INPP4B: variants seen among roughly 807,000 people sequenced by gnomAD.
INPP4B encodes the protein inositol polyphosphate-4-phosphatase type II B.
In INPP4B, 55 loss-of-function variants were observed where a neutral mutation model predicts 122.5. That is an observed-to-expected ratio of 0.45 (90% CI 0.36 to 0.56). The LOEUF (loss-of-function observed/expected upper bound fraction) is 0.56. INPP4B is among the 20% of genes least tolerant of loss of function. The pLI, the probability that INPP4B is intolerant of heterozygous loss-of-function variation, is 0.00. For missense variants in INPP4B, 1,000 were observed against 1,097.7 expected (o/e 0.91, Z 1.26); for synonymous variants, 403 against 388.7 (o/e 1.04, Z -0.43).
intron 17 of INPP4B, among the ~76,000 whole-genome samples, chr4:142,155,473 C>T (rs1015486369): frequency 6.6e-6 from 1 of 152,082 alleles, no homozygotes; most frequent in Middle Eastern, 3.2e-3. Context: ...GTTAACAATG[C>T]TTGCAACTGT....
intron 5 of INPP4B, among the ~76,000 whole-genome samples, chr4:142,424,953 T>C (rs766447869): frequency 5.3e-5 from 8 of 152,074 alleles, no homozygotes; most frequent in Non-Finnish European, 8.8e-5. Flanking sequence ...AATGTAGATT[T>C]ACCCATTTTA....
At chr4:142,634,168 A>G (rs1054967271) in intron 2 of INPP4B, among the ~76,000 whole-genome samples, 10 of 152,194 alleles carry the variant, frequency 6.6e-5, no homozygotes, top group Non-Finnish European at 1.5e-4. Context: ...ATAAATAGAT[A>G]ATCTGAATAA....
chr4:142,405,367 A>G (rs554460025), intron 5 of INPP4B, 43 bp from the exon 6 acceptor site: 8 of 1,194,982 alleles, frequency 6.7e-6, no homozygotes, highest in South Asian at 3.6e-5. Context: ...AACTAACACC[A>G]TATCTCAGGG....
At chr4:142,104,351 T>A (rs1393358479) in intron 23 of INPP4B, among the ~76,000 whole-genome samples, 1 of 152,048 alleles carries the variant, frequency 6.6e-6, no homozygotes, top group African/African-American at 2.4e-5. Context: ...AATGTAAGTG[T>A]CTGAATGCTT....
At chr4:142,614,999 A>G (rs906235839) in intron 2 of INPP4B, among the ~76,000 whole-genome samples, 1 of 152,208 alleles carries the variant, frequency 6.6e-6, no homozygotes, top group African/African-American at 2.4e-5. Context: ...CTAAAGAACT[A>G]AAAATAGAAC....
chr4:142,751,304 A>G (rs1016802579), intron 1 of INPP4B, among the ~76,000 whole-genome samples: 2 of 140,398 alleles, frequency 1.4e-5, no homozygotes, highest in South Asian at 4.7e-4. Context: ...AAAAAAAAAA[A>G]CAAGCCTGAT....
intron 2 of INPP4B, among the ~76,000 whole-genome samples, chr4:142,626,689 GT>G (rs1356104609): frequency 3.3e-5 from 5 of 152,114 alleles, no homozygotes; most frequent in Non-Finnish European, 2.9e-5. Flanking sequence ...TGTAGACATT[GT>G]TTTAAGCTAC....
At chr4:142,836,566 A>G (rs1412886693) in intron 1 of INPP4B, among the ~76,000 whole-genome samples, 1 of 152,144 alleles carries the variant, frequency 6.6e-6, no homozygotes, top group African/African-American at 2.4e-5. Context: ...AAATCAATTT[A>G]ATCCTTATCT....
At chr4:142,467,530 T>A (rs1394419029) in intron 2 of INPP4B, among the ~76,000 whole-genome samples, 2 of 150,638 alleles carry the variant, frequency 1.3e-5, no homozygotes, top group Admixed American at 1.3e-4. Context: ...AATAACTAGT[T>A]TTTTTTTTGT....
At chr4:142,416,363 T>A (rs1225849703) in intron 5 of INPP4B, among the ~76,000 whole-genome samples, 1 of 152,132 alleles carries the variant, frequency 6.6e-6, no homozygotes, top group Non-Finnish European at 1.5e-5. Context: ...ATCCTGAGCA[T>A]GCTTTCCCAA....
At chr4:142,750,671 T>C (rs1561028618) in intron 1 of INPP4B, among the ~76,000 whole-genome samples, 1 of 152,080 alleles carries the variant, frequency 6.6e-6, no homozygotes, top group Non-Finnish European at 1.5e-5. Flanking sequence ...GTGGTGCTGG[T>C]GCAGCATAAA....
In INPP4B at chr4:142,294,829, CAAAAAAAAAAAA is replaced by C. The variant is rs57430432; in HGVS notation, c.503+10617_503+10628del. Among the ~76,000 whole-genome samples the C allele has an allele frequency of 2.1e-4, 6 of 28,462 alleles. 1 individual carries two copies. Among genetic ancestry groups the C allele is most frequent in the African/African-American group, 4.9e-4 (4 of 8,238 alleles). The allele number at this position is 28,462 out of a possible 152,430, so 18.7% of individuals were successfully genotyped here. ...CGGGCGACAGAGCGAGACTCCGTCT[CAAAAAAAAAAAA>C]AAAAAAAAAAAAAAAGGCAGACTTA... On this transcript the variant is annotated intron_variant, in intron 9 of 25. Coordinates refer to ENST00000262992, the MANE Select transcript of INPP4B (RefSeq NM_001101669.3).
intron 2 of INPP4B, among the ~76,000 whole-genome samples, chr4:142,537,429 T>TATATATAG (rs1200701380): frequency 2.6e-3 from 65 of 25,482 alleles, no homozygotes; most frequent in African/African-American, 3.3e-3. Context: ...TATATATATA[T>TATATATAG]AGAGAGAGAG....
chr4:142,828,694 C>A (rs1338863935), intron 1 of INPP4B, among the ~76,000 whole-genome samples: 1 of 152,094 alleles, frequency 6.6e-6, no homozygotes. Context: ...CAAGAGATAG[C>A]AGAAACAACC....
At chr4:142,398,509 C>T (rs1800488975) in intron 7 of INPP4B, among the ~76,000 whole-genome samples, 1 of 138,478 alleles carries the variant, frequency 7.2e-6, no homozygotes, top group African/African-American at 2.7e-5. Flanking sequence ...TTTTCCTTAC[C>T]CACTGTACCA....
At chr4:142,545,258 C>T (rs1218146057) in intron 2 of INPP4B, among the ~76,000 whole-genome samples, 1 of 152,118 alleles carries the variant, frequency 6.6e-6, no homozygotes, top group African/African-American at 2.4e-5. Flanking sequence ...TAATATTTAA[C>T]ATGTGCTATG....
intron 16 of INPP4B, among the ~76,000 whole-genome samples, chr4:142,165,901 A>AT (rs1271977773): frequency 1.3e-5 from 2 of 151,666 alleles, no homozygotes; most frequent in East Asian, 3.9e-4. Context: ...GGCCTTTTTG[A>AT]TTTTAGCTGT....
intron 2 of INPP4B, among the ~76,000 whole-genome samples, chr4:142,467,532 T>G (rs971060722): frequency 6.6e-6 from 1 of 152,004 alleles, no homozygotes; most frequent in African/African-American, 2.4e-5. Flanking sequence ...TAACTAGTTT[T>G]TTTTTTGTTT....
At chr4:142,041,636 C>CTAA (rs1560910250) in intron 25 of INPP4B, among the ~76,000 whole-genome samples, 3 of 151,936 alleles carry the variant, frequency 2.0e-5, no homozygotes, top group East Asian at 1.9e-4. Context: ...ACTACTACTA[C>CTAA]TAATAATAAT....
Sources: gnomAD v4.1 joint callset for allele counts (sites outside exome capture counted in the v4.1 genomes callset) on GRCh38, gnomAD v4.1.1 for gene constraint, MANE v1.5 for transcripts, NCBI Gene and HGNC (gene_info 2026-07-23, HGNC 2026-07-21) for gene names.